TRPS1: variants seen among roughly 807,000 people sequenced by gnomAD.
TRPS1 encodes the protein zinc finger transcription factor Trps1.
A neutral mutation model predicts 101.2 loss-of-function variants in TRPS1; 6 were observed. That is an observed-to-expected ratio of 0.06 (90% confidence interval 0.03 to 0.12). TRPS1 has a LOEUF of 0.12. TRPS1 is among the 10% of genes least tolerant of loss of function. TRPS1 has a pLI of 1.00. For missense variants in TRPS1, 1,363 were observed against 1,567.0 expected (o/e 0.87, Z 2.20); for synonymous variants, 578 against 589.8 (o/e 0.98, Z 0.29).
intron 1 of TRPS1, among the ~76,000 whole-genome samples, chr8:115,650,675 A>G (rs1811539408): frequency 6.6e-6 from 1 of 152,258 alleles, no homozygotes; most frequent in Non-Finnish European, 1.5e-5. Context: ...AAAATCAAAC[A>G]TTCAAAGAAA....
chr8:115,432,913 G>A (rs1312651759), intron 5 of TRPS1, among the ~76,000 whole-genome samples: 2 of 151,042 alleles, frequency 1.3e-5, no homozygotes, highest in Non-Finnish European at 3.0e-5. Context: ...TCTTAATGAT[G>A]AAAATAGGCT....
chr8:115,606,807 C>CAAAAAAA (rs72238288), intron 3 of TRPS1, among the ~76,000 whole-genome samples: 1 of 123,462 alleles, frequency 8.1e-6, no homozygotes, highest in Non-Finnish European at 1.8e-5. Context: ...GTTCATTTGC[C>CAAAAAAA]AAAAAAAAAA....
At chr8:115,535,129 A>G (rs1273865704) in intron 5 of TRPS1, among the ~76,000 whole-genome samples, 1 of 148,056 alleles carries the variant, frequency 6.8e-6, no homozygotes, top group Admixed American at 6.8e-5. Flanking sequence ...TATGTATAGC[A>G]TATATATAGC....
intron 5 of TRPS1, among the ~76,000 whole-genome samples, chr8:115,533,440 T>TTTTTTTTG (rs1563580672): frequency 7.6e-5 from 9 of 118,898 alleles, no homozygotes; most frequent in African/African-American, 3.7e-4. Context: ...TAATCTGTTT[T>TTTTTTTTG]TTTTTTTTTT....
intron 5 of TRPS1, among the ~76,000 whole-genome samples, chr8:115,471,627 C>T (rs1355431323): frequency 1.3e-5 from 2 of 152,166 alleles, no homozygotes; most frequent in African/African-American, 2.4e-5. Flanking sequence ...CCAGCATTAA[C>T]CCAAAAGTCC....
chr8:115,466,535 G>A (rs1021257458), intron 5 of TRPS1, among the ~76,000 whole-genome samples: 1 of 152,118 alleles, frequency 6.6e-6, no homozygotes, highest in Non-Finnish European at 1.5e-5. Context: ...GAAACAATTA[G>A]TATGCCGAAG....
chr8:115,435,061 C>G (rs1298828218), intron 5 of TRPS1, among the ~76,000 whole-genome samples: 1 of 152,126 alleles, frequency 6.6e-6, no homozygotes, highest in African/African-American at 2.4e-5. Flanking sequence ...GCATTTAATA[C>G]AAGTGCTAAT....
chr8:115,562,213 T>G (rs1816961826), intron 5 of TRPS1, among the ~76,000 whole-genome samples: 2 of 152,018 alleles, frequency 1.3e-5, no homozygotes, highest in East Asian at 3.9e-4. Flanking sequence ...AAATCCTAAT[T>G]CTGTAGAGCC....
chr8:115,457,807 G>A lies in TRPS1; in HGVS notation c.2701-39355C>T, dbSNP rs1261942578. Reference sequence around the variant, plus strand: ...GCAGAGCTGGAGGAACAGTAAGATGGGCACCTAGGTGGGTGGGCAGGTGTG... The same window carrying A: ...GCAGAGCTGGAGGAACAGTAAGATGAGCACCTAGGTGGGTGGGCAGGTGTG... On this transcript the variant is annotated intron_variant, in intron 5 of 6. Transcript: ENST00000395715. Among the ~76,000 whole-genome samples the A allele has an allele frequency of 3.3e-5, 5 of 152,190 alleles. 1 individual carries two copies. Among genetic ancestry groups the A allele is most frequent in the Non-Finnish European group, 7.3e-5 (5 of 68,042 alleles).
At chr8:115,623,193 A>G (rs1283960857) in intron 2 of TRPS1, among the ~76,000 whole-genome samples, 1 of 152,008 alleles carries the variant, frequency 6.6e-6, no homozygotes, top group Non-Finnish European at 1.5e-5. Flanking sequence ...GCCCTTAATA[A>G]TATACATTGC....
chr8:115,441,759 G>A (rs1358262750), intron 5 of TRPS1, among the ~76,000 whole-genome samples: 2 of 152,020 alleles, frequency 1.3e-5, no homozygotes, highest in Non-Finnish European at 2.9e-5. Flanking sequence ...ATTTTATGAG[G>A]TAACTATTTT....
chr8:115,542,498 A>C (rs1011826237), intron 5 of TRPS1, among the ~76,000 whole-genome samples: 2 of 152,162 alleles, frequency 1.3e-5, no homozygotes, highest in Non-Finnish European at 2.9e-5. Flanking sequence ...GGAAGACTGA[A>C]AGGAAAAACG....
chr8:115,555,544 C>A (rs1187980892), intron 5 of TRPS1, among the ~76,000 whole-genome samples: 1 of 151,578 alleles, frequency 6.6e-6, no homozygotes, highest in Non-Finnish European at 1.5e-5. Context: ...CTGACCCATT[C>A]CCTTCAGACA....
chr8:115,609,122 C>T (rs1334545406), intron 3 of TRPS1, among the ~76,000 whole-genome samples: 8 of 152,272 alleles, frequency 5.3e-5, no homozygotes, highest in South Asian at 2.1e-4. Context: ...GCTGGGATTA[C>T]GGCATGCACC....
At chr8:115,438,299 T>C (rs979207132) in intron 5 of TRPS1, among the ~76,000 whole-genome samples, 5 of 152,212 alleles carry the variant, frequency 3.3e-5, no homozygotes, top group African/African-American at 1.2e-4. Flanking sequence ...TTGGATGCTC[T>C]ACCTGTAAAA....
intron 5 of TRPS1, among the ~76,000 whole-genome samples, chr8:115,427,631 TG>T (rs1457278116): frequency 6.6e-6 from 1 of 152,062 alleles, no homozygotes; most frequent in Non-Finnish European, 1.5e-5. Context: ...AAGAGGAGAT[TG>T]GGGAATTTTT....
intron 5 of TRPS1, among the ~76,000 whole-genome samples, chr8:115,452,493 G>C (rs1390987501): frequency 6.6e-6 from 1 of 152,184 alleles, no homozygotes; most frequent in African/African-American, 2.4e-5. Context: ...TTGTTTGAAA[G>C]AAATGGTATG....
intron 5 of TRPS1, among the ~76,000 whole-genome samples, chr8:115,514,529 G>A (rs1446363283): frequency 3.3e-5 from 5 of 150,936 alleles, no homozygotes; most frequent in Non-Finnish European, 5.9e-5. Flanking sequence ...TTCTTACCCC[G>A]TAGTCTATCC....
At chr8:115,603,775 G>C (rs1817961859) in intron 4 of TRPS1, 98 bp downstream of exon 4, 1 of 1,417,036 alleles carries the variant, frequency 7.1e-7, no homozygotes, top group South Asian at 1.3e-5. Context: ...CAAGTCATTG[G>C]AATCACTCTC....
Sources: gnomAD v4.1 joint callset for allele counts (sites outside exome capture counted in the v4.1 genomes callset) on GRCh38, gnomAD v4.1.1 for gene constraint, MANE v1.5 for transcripts, NCBI Gene and HGNC (gene_info 2026-07-23, HGNC 2026-07-21) for gene names.